Variants in PLEKHG1 observed in about 807,000 individuals in gnomAD.
PLEKHG1 encodes the protein pleckstrin homology and RhoGEF domain containing G1, also known as pleckstrin homology domain-containing family G member 1.
PLEKHG1 carries 44 observed loss-of-function variants against 100.8 expected under a neutral mutation model. The observed-to-expected ratio is 0.44, with a 90% CI of 0.34 to 0.56. The LOEUF (loss-of-function observed/expected upper bound fraction) is 0.56. Among genes scored for constraint, PLEKHG1 ranks in the 20% least tolerant of loss-of-function variants. The pLI is 0.01. For synonymous variants in PLEKHG1, 640 were observed against 662.5 expected (o/e 0.97, Z 0.52); for missense variants, 1,545 against 1,720.9 (o/e 0.90, Z 1.81).
intron 2 of PLEKHG1, among the ~76,000 whole-genome samples, chr6:150,748,523 G>C (rs1783295201): frequency 6.6e-6 from 1 of 151,350 alleles, no homozygotes; most frequent in African/African-American, 2.4e-5. Context: ...AGTATTTGCT[G>C]TCATTTTTAT....
chr6:150,625,289 C>T lies in PLEKHG1; in HGVS notation c.-203-12791C>T, dbSNP rs79243466. On this transcript the variant is annotated intron_variant, in intron 1 of 3. Transcript: ENST00000367326. ...TCTCACAGTTCTGGAGGCTGGAATT[C>T]CAAGATGAAGGTGTTAGCAGGGTTG... Among the ~76,000 whole-genome samples the T allele has an allele frequency of 6.3e-3, 958 of 152,206 alleles. 9 individuals carry two copies. Among genetic ancestry groups the T allele is most frequent in the African/African-American group, 0.019 (799 of 41,530 alleles).
intron 3 of PLEKHG1, among the ~76,000 whole-genome samples, chr6:150,688,853 A>C (rs73780074): frequency 6.6e-6 from 1 of 152,190 alleles, no homozygotes; most frequent in African/African-American, 2.4e-5. Context: ...GGTATATTAC[A>C]TTATTTACTT....
rs1221575769 is a variant in PLEKHG1 at position 150,701,464 on chromosome 6, T to TAAAA, written c.-98-32119_-98-32118insAAAA. Among the ~76,000 whole-genome samples the TAAAA allele has an allele frequency of 4.7e-5, 4 of 85,860 alleles. No homozygotes were observed. The African/African-American group carries it at 4.8e-4, about 10-fold the overall frequency. 56.3% of individuals were successfully genotyped at this position (85,860 alleles called of 152,430 possible). A position where few individuals can be genotyped will look rare whatever the true frequency, so the allele number is the denominator to read the frequency against. On this transcript the variant is annotated intron_variant, in intron 3 of 3. Transcript: ENST00000367326. Reference sequence around the variant, plus strand: ...ATATATATATATATATATATATATATATAATTATACTTTAAGTTCTAGGGT... The same window carrying TAAAA: ...ATATATATATATATATATATATATATAAAAATAATTATACTTTAAGTTCTAGGGT...
intron 3 of PLEKHG1, among the ~76,000 whole-genome samples, chr6:150,681,806 T>G (rs1779944735): frequency 6.6e-6 from 1 of 152,086 alleles, no homozygotes; most frequent in Non-Finnish European, 1.5e-5. Context: ...TGAATGAGCT[T>G]CCTGAACCCA....
chr6:150,703,778 A>C (rs1780898069), intron 3 of PLEKHG1, among the ~76,000 whole-genome samples: 1 of 152,212 alleles, frequency 6.6e-6, no homozygotes, highest in African/African-American at 2.4e-5. Flanking sequence ...TATGAATCAC[A>C]GGAAAAAATA....
intron 8 of PLEKHG1, 21 bp from the exon 10 acceptor site, chr6:150,809,360 T>C (rs1451871115): frequency 6.2e-7 from 1 of 1,612,050 alleles, no homozygotes; most frequent in African/African-American, 1.3e-5. Flanking sequence ...TGCCTCACCC[T>C]CTCTGCTCTC....
chr6:150,672,291 G>A (rs1457927378), intron 3 of PLEKHG1, among the ~76,000 whole-genome samples: 3 of 152,322 alleles, frequency 2.0e-5, no homozygotes, highest in South Asian at 2.1e-4. Flanking sequence ...ATTAGAGCCT[G>A]ATTCCACGGG....
At chr6:150,727,928 A>T (rs1782041985) in intron 1 of PLEKHG1, among the ~76,000 whole-genome samples, 1 of 152,198 alleles carries the variant, frequency 6.6e-6, no homozygotes, top group African/African-American at 2.4e-5. Context: ...TGCTAATACA[A>T]CCTGCTAACA....
chr6:150,830,625 C>T (rs751987497), exon 15 of PLEKHG1: 36 of 1,610,884 alleles, frequency 2.2e-5, no homozygotes, highest in African/African-American at 5.3e-5. Flanking sequence ...TCAGCAAGGC[C>T]GTCTCCTGCC....
Position 150,806,223 on chromosome 6 carries a change from CTTTTTTT to C in PLEKHG1, c.912+1500_912+1506del, listed in dbSNP as rs58040509. On this transcript the variant is annotated intron_variant, in intron 7 of 15. Coordinates refer to ENST00000358517, the Ensembl canonical transcript of PLEKHG1. ...GATGACATTCTAATCTTCCAGGCTG[CTTTTTTT>C]TTTTTTTTTTTTTTTTTGCAACAGC... 9.8e-3 allele frequency among the ~76,000 whole-genome samples: 880 copies of C among 89,800 alleles called. 7 individuals carry two copies. Among genetic ancestry groups the C allele is most frequent in the African/African-American group, 0.033 (824 of 25,250 alleles). 58.9% of individuals were successfully genotyped at this position (89,800 alleles called of 152,430 possible).
Position 150,600,247 on chromosome 6 carries a change from G to T in PLEKHG1, c.-204+230G>T, listed in dbSNP as rs1292180556. On this transcript the variant is annotated intron_variant, in intron 1 of 3. Coordinates refer to the PLEKHG1 transcript ENST00000367326. The surrounding 1 kb of genome is among the most constrained non-coding windows in gnomAD (Gnocchi z 6.2). ...GGGCACCGCGCGGTGGGGACGGAGG[G>T]CGCTGGGGGGCGCCGCGTCTCGGGG... 2.0e-5 allele frequency among the ~76,000 whole-genome samples: 3 copies of T among 150,730 alleles called. No homozygotes were observed. The highest frequency in any genetic ancestry group is 7.3e-5 in the African/African-American group (3 of 41,032).
At chr6:150,606,576 T>C (rs1205134818) in intron 1 of PLEKHG1, among the ~76,000 whole-genome samples, 1 of 152,182 alleles carries the variant, frequency 6.6e-6, no homozygotes, top group East Asian at 1.9e-4. Context: ...TCTTTGCTTT[T>C]TCTGACCACC....
At chr6:150,748,083 T>C (rs1783264207) in intron 2 of PLEKHG1, among the ~76,000 whole-genome samples, 1 of 152,202 alleles carries the variant, frequency 6.6e-6, no homozygotes, top group African/African-American at 2.4e-5. Context: ...CTTTCTACTT[T>C]CTGTCACTAG....
chr6:150,635,996 T>G (rs1348557294), intron 1 of PLEKHG1, among the ~76,000 whole-genome samples: 1 of 152,144 alleles, frequency 6.6e-6, no homozygotes, highest in Non-Finnish European at 1.5e-5. Context: ...ATCTTTTGGG[T>G]GTTAACAGAG....
At chr6:150,788,632 A>T (rs540328650) in intron 4 of PLEKHG1, among the ~76,000 whole-genome samples, 1 of 152,342 alleles carries the variant, frequency 6.6e-6, no homozygotes, top group Admixed American at 6.5e-5. Flanking sequence ...TGTCTGTTTT[A>T]GGTCTCTGGA....
intron 4 of PLEKHG1, among the ~76,000 whole-genome samples, chr6:150,788,276 A>G (rs2128654000): frequency 6.6e-6 from 1 of 152,330 alleles, no homozygotes; most frequent in East Asian, 1.9e-4. Context: ...CCTGCCTTTC[A>G]CTCAGCAGCC....
intron 3 of PLEKHG1, among the ~76,000 whole-genome samples, chr6:150,699,431 T>C (rs1450540519): frequency 6.6e-6 from 1 of 152,100 alleles, no homozygotes; most frequent in Non-Finnish European, 1.5e-5. Context: ...GCTCCGGGAG[T>C]GCTCCTTGAG....
At chr6:150,791,927 T>G (rs980727625) in intron 4 of PLEKHG1, among the ~76,000 whole-genome samples, 4 of 152,120 alleles carry the variant, frequency 2.6e-5, no homozygotes, top group Admixed American at 1.3e-4. Context: ...AATGATACTA[T>G]TTATGGTGGT....
chr6:150,823,901 G>C (rs991267394), intron 14 of PLEKHG1, among the ~76,000 whole-genome samples: 3 of 152,156 alleles, frequency 2.0e-5, no homozygotes, highest in African/African-American at 4.8e-5. Flanking sequence ...GAGAACCATG[G>C]TGATTATTTA....
Sources: allele counts gnomAD v4.1 joint callset (sites outside exome capture counted in the v4.1 genomes callset), GRCh38; gene constraint gnomAD v4.1.1; non-coding constraint Gnocchi (gnomAD v3.1); transcripts MANE v1.5; gene names NCBI Gene and HGNC (gene_info 2026-07-23, HGNC 2026-07-21).